CDC14B: variants seen among roughly 807,000 people sequenced by gnomAD.
CDC14B encodes the protein dual specificity protein phosphatase CDC14B.
A neutral mutation model predicts 64.2 loss-of-function variants in CDC14B; 22 were observed. The observed-to-expected ratio is 0.34, with a 90% CI of 0.24 to 0.49. The LOEUF (loss-of-function observed/expected upper bound fraction) is 0.49. Among genes scored for constraint, CDC14B ranks in the 20% least tolerant of loss-of-function variants. The pLI, the probability that CDC14B is intolerant of heterozygous loss-of-function variation, is 0.99. For synonymous variants in CDC14B, 191 were observed against 215.8 expected (o/e 0.89, Z 1.01); for missense variants, 498 against 629.9 (o/e 0.79, Z 2.24).
At chr9:96,553,863 C>A (rs568538209) in intron 4 of CDC14B, among the ~76,000 whole-genome samples, 1 of 151,594 alleles carries the variant, frequency 6.6e-6, no homozygotes, top group Non-Finnish European at 1.5e-5. Context: ...TAAAAAAAAA[C>A]AAAAAACAAA....
chr9:96,530,821 T>C (rs1265393087), intron 9 of CDC14B, among the ~76,000 whole-genome samples: 2 of 152,184 alleles, frequency 1.3e-5, no homozygotes, highest in East Asian at 1.9e-4. Context: ...ACGGTTCTTA[T>C]GTTGAGGTAA....
intron 7 of CDC14B, among the ~76,000 whole-genome samples, chr9:96,536,315 A>G (rs1839259284): frequency 6.6e-6 from 1 of 152,226 alleles, no homozygotes; most frequent in South Asian, 2.1e-4. Context: ...CTTAGTGCCT[A>G]TATTATTCAT....
intron 1 of CDC14B, among the ~76,000 whole-genome samples, chr9:96,577,070 T>A (rs1473672641): frequency 6.6e-6 from 1 of 151,978 alleles, no homozygotes; most frequent in East Asian, 1.9e-4. Context: ...CTGGCCAACA[T>A]GGTAAAACCC....
rs74461172 is a variant in CDC14B, at chr9:96,591,005, A to T, written c.161-25522T>A. ...GAGTTGCGTATATATTGTATATATT[A>T]GCCCCTTGTGCTATCCCCTTATCAG... On this transcript the variant is annotated intron_variant, in intron 1 of 13. Coordinates refer to ENST00000375241, the MANE Select transcript of CDC14B (RefSeq NM_033331.4). Among the ~76,000 whole-genome samples, 1,200 of 152,300 alleles carry T rather than the reference A, an allele frequency of 7.9e-3. 4 individuals are homozygous for T. Among genetic ancestry groups the T allele is most frequent in the Non-Finnish European group, 0.014 (961 of 68,020 alleles).
intron 1 of CDC14B, among the ~76,000 whole-genome samples, chr9:96,576,634 A>G: frequency 3.2e-5 from 1 of 31,404 alleles, no homozygotes. Context: ...CTCCATCTCA[A>G]AAAAAAAAAA....
chr9:96,507,588 G>A (rs1358466513), intron 13 of CDC14B, among the ~76,000 whole-genome samples: 3 of 151,890 alleles, frequency 2.0e-5, no homozygotes, highest in Non-Finnish European at 4.4e-5. Flanking sequence ...GCTAATTTTT[G>A]TATTTTTAGT....
At chr9:96,513,653 CATAAATGT>C (rs1835217938) in intron 12 of CDC14B, among the ~76,000 whole-genome samples, 2 of 152,202 alleles carry the variant, frequency 1.3e-5, no homozygotes, top group African/African-American at 4.8e-5. Flanking sequence ...AGGTCTCGAA[CATAAATGT>C]CCAATTCCAA....
chr9:96,560,160 T>C (rs964790720), intron 4 of CDC14B, among the ~76,000 whole-genome samples: 4 of 152,190 alleles, frequency 2.6e-5, no homozygotes, highest in Admixed American at 6.5e-5. Flanking sequence ...TCCTCGTGCC[T>C]GGCTCCTCAA....
At chr9:96,569,175 TAC>T (rs1250380606) in intron 1 of CDC14B, among the ~76,000 whole-genome samples, 2 of 152,194 alleles carry the variant, frequency 1.3e-5, no homozygotes, top group Non-Finnish European at 2.9e-5. Flanking sequence ...TATTCAAAAT[TAC>T]ACTGCTTCTA....
chr9:96,491,650 C>T (rs1833098810), exon 14 of CDC14B: 1 of 152,250 alleles, frequency 6.6e-6, no homozygotes, highest in Non-Finnish European at 1.5e-5. Flanking sequence ...TTTTGCCTAA[C>T]TGCGGCTTTG....
chr9:96,515,620 A>T lies in CDC14B; in HGVS notation c.1344-5831T>A. 1 of 1,538,448 alleles carries T rather than the reference A, an allele frequency of 6.5e-7. No individual in the cohort carries two copies. Among genetic ancestry groups the T allele is most frequent in the South Asian group, 1.2e-5 (1 of 81,508 alleles). ...CCACACTAGGCACCAGAAGTAAGCA[A>T]CGGCAGAGAAACAGAACGGGACACT... On this transcript the variant is annotated intron_variant, in intron 12 of 13. Coordinates refer to ENST00000375241, the MANE Select transcript of CDC14B (RefSeq NM_033331.4). This position sits in a 1 kb window ranked among gnomAD's most constrained non-coding sequence, Gnocchi z 4.3.
chr9:96,508,935 C>T (rs1012137226), intron 13 of CDC14B, among the ~76,000 whole-genome samples: 2 of 152,160 alleles, frequency 1.3e-5, no homozygotes, highest in Non-Finnish European at 2.9e-5. Context: ...TAGAAGAGAT[C>T]GTTTTTACCA....
chr9:96,523,159 A>G, intron 11 of CDC14B, 102 bp downstream of exon 11: 2 of 1,249,150 alleles, frequency 1.6e-6, no homozygotes, highest in Non-Finnish European at 2.3e-6. Context: ...CAATCATCCA[A>G]GAGCTGCTTT....
chr9:96,577,063 G>A (rs986380891), intron 1 of CDC14B, among the ~76,000 whole-genome samples: 7 of 152,020 alleles, frequency 4.6e-5, no homozygotes, highest in African/African-American at 1.7e-4. Context: ...GACCAGCCTG[G>A]CCAACATGGT....
At chr9:96,561,971 G>A (rs1312276445) in intron 4 of CDC14B, among the ~76,000 whole-genome samples, 1 of 151,974 alleles carries the variant, frequency 6.6e-6, no homozygotes, top group Non-Finnish European at 1.5e-5. Context: ...CAGCTTTCAG[G>A]GCCCCTGCAG....
rs76877774 is a variant in CDC14B at position 96,555,446 on chromosome 9, C to G, written c.421-3574G>C. 7.6e-3 allele frequency among the ~76,000 whole-genome samples: 1,157 copies of G among 152,322 alleles called. 22 individuals carry two copies. The highest frequency in any genetic ancestry group is 0.026 in the African/African-American group (1,078 of 41,560). ...ATGCAGCCCAGACACGGTACAGAAC[C>G]AGACCAGACCCAACCAAGTTAAGCA... On this transcript the variant is annotated intron_variant, in intron 4 of 13. Transcript: ENST00000375241.
chr9:96,587,207 T>C (rs534832457), intron 1 of CDC14B, among the ~76,000 whole-genome samples: 1 of 151,766 alleles, frequency 6.6e-6, no homozygotes, highest in East Asian at 1.9e-4. Flanking sequence ...GAGAAAACAG[T>C]GACTAGGCCA....
chr9:96,601,361 G>A (rs533338311), intron 1 of CDC14B, among the ~76,000 whole-genome samples: 1 of 152,074 alleles, frequency 6.6e-6, no homozygotes, highest in African/African-American at 2.4e-5. Context: ...GTTGGGCATG[G>A]TGGTGTGCGC....
At chr9:96,616,260 A>C (rs578084898) in intron 1 of CDC14B, among the ~76,000 whole-genome samples, 235 of 152,026 alleles carry the variant, frequency 1.5e-3, no homozygotes, top group Non-Finnish European at 2.2e-3. Flanking sequence ...CGGGAGGCAG[A>C]GGTTGTGGTG....
Sources: gnomAD v4.1 joint callset for allele counts (sites outside exome capture counted in the v4.1 genomes callset) on GRCh38, gnomAD v4.1.1 for gene constraint, Gnocchi (gnomAD v3.1) non-coding constraint, MANE v1.5 for transcripts, NCBI Gene and HGNC (gene_info 2026-07-23, HGNC 2026-07-21) for gene names.